The following MSI2 variants were observed in gnomAD, a reference collection of about 807,000 sequenced individuals.
MSI2 encodes musashi RNA binding protein 2.
A neutral mutation model predicts 45.6 loss-of-function variants in MSI2; 17 were observed. That is an observed-to-expected ratio of 0.37 (90% confidence interval 0.26 to 0.56). The LOEUF is 0.56. MSI2 is among the 20% of genes least tolerant of loss of function. The pLI, the probability that MSI2 is intolerant of heterozygous loss-of-function variation, is 0.77. For synonymous variants in MSI2, 156 were observed against 158.2 expected (o/e 0.99, Z 0.11); for missense variants, 293 against 444.2 (o/e 0.66, Z 3.06).
At chr17:57,452,982 G>T (rs954869780) in intron 6 of MSI2, among the ~76,000 whole-genome samples, 5 of 149,796 alleles carry the variant, frequency 3.3e-5, no homozygotes, top group African/African-American at 1.2e-4. Context: ...CTGGCTGAGG[G>T]CTTGTTTCTG....
In MSI2 at chr17:57,658,436, T is replaced by G. The variant is rs547387382; in HGVS notation, c.790+6275T>G. Among the ~76,000 whole-genome samples the G allele has an allele frequency of 2.0e-5, 3 of 152,358 alleles. No homozygotes were observed. The East Asian group carries it at 5.8e-4, about 29-fold the overall frequency. On this transcript the variant is annotated intron_variant, in intron 11 of 13. Coordinates refer to ENST00000284073, the MANE Select transcript of MSI2 (RefSeq NM_138962.4). ...TGTTCATTTCTGGGAGAGCCAGGACTTTCACCATAAAGAGTCCAGCATTGG... is the reference window on the plus strand; with the variant it reads ...TGTTCATTTCTGGGAGAGCCAGGACGTTCACCATAAAGAGTCCAGCATTGG...
At chr17:57,550,005 T>C (rs1257237230) in intron 7 of MSI2, among the ~76,000 whole-genome samples, 1 of 152,170 alleles carries the variant, frequency 6.6e-6, no homozygotes, top group Non-Finnish European at 1.5e-5. Context: ...GAGCAGCATC[T>C]TCACAGGCTG....
the MSI2 span, among the ~76,000 whole-genome samples, chr17:57,691,196 CTCTCATCTATCTATCT>C: frequency 1.2e-4 from 15 of 129,976 alleles, no homozygotes; most frequent in Non-Finnish European, 1.8e-4. Flanking sequence ...CTCTCTCTCT[CTCTCATCTATCTATCT>C]ATCTATCTAT....
intron 5 of MSI2, among the ~76,000 whole-genome samples, chr17:57,296,678 A>G (rs1468783415): frequency 6.6e-6 from 1 of 152,238 alleles, no homozygotes; most frequent in Non-Finnish European, 1.5e-5. Flanking sequence ...ACATCAGTAA[A>G]AAAATTGATG....
chr17:57,447,963 C>T (rs778788837), intron 6 of MSI2, among the ~76,000 whole-genome samples: 2 of 152,180 alleles, frequency 1.3e-5, no homozygotes, highest in Admixed American at 6.5e-5. Flanking sequence ...ATATCACTGA[C>T]GTGTCTCTCC....
intron 7 of MSI2, among the ~76,000 whole-genome samples, chr17:57,545,232 A>G (rs2087137075): frequency 6.6e-6 from 1 of 152,022 alleles, no homozygotes; most frequent in Non-Finnish European, 1.5e-5. Context: ...TGCCTAGTGG[A>G]CCGTGGGGTG....
At chr17:57,391,863 T>A (rs372777742) in intron 5 of MSI2, among the ~76,000 whole-genome samples, 27 of 152,352 alleles carry the variant, frequency 1.8e-4, no homozygotes, top group Admixed American at 9.8e-4. Context: ...TCTTACTTAA[T>A]TTTGCTTAAT....
chr17:57,420,538 C>G (rs191686555), intron 6 of MSI2, among the ~76,000 whole-genome samples: 1 of 152,324 alleles, frequency 6.6e-6, no homozygotes, highest in Admixed American at 6.5e-5. Context: ...AGCAACCTGC[C>G]GAGGGAGTCG....
At chr17:57,511,340 C>T (rs888680106) in intron 6 of MSI2, among the ~76,000 whole-genome samples, 7 of 152,262 alleles carry the variant, frequency 4.6e-5, no homozygotes, top group East Asian at 1.9e-4. Flanking sequence ...GGTAGAGTGG[C>T]GACCCACCCG....
At chr17:57,639,987 G>A (rs1910129826) in intron 10 of MSI2, among the ~76,000 whole-genome samples, 1 of 152,196 alleles carries the variant, frequency 6.6e-6, no homozygotes, top group Admixed American at 6.5e-5. Context: ...TGAATGAGAG[G>A]TGGGCCCCTG....
At chr17:57,335,770 C>T (rs1214085656) in intron 5 of MSI2, among the ~76,000 whole-genome samples, 2 of 152,074 alleles carry the variant, frequency 1.3e-5, no homozygotes, top group Non-Finnish European at 2.9e-5. Flanking sequence ...CAGACAAGGC[C>T]CTTGTGAGTG....
intron 7 of MSI2, among the ~76,000 whole-genome samples, chr17:57,574,739 G>A (rs1459982168): frequency 6.6e-6 from 1 of 152,138 alleles, no homozygotes; most frequent in East Asian, 1.9e-4. Flanking sequence ...CAACTACTGT[G>A]GAGCTTCGGT....
rs78991065 is a variant in MSI2 at position 57,359,225 on chromosome 17, G to C, written c.313-42154G>C. On this transcript the variant is annotated intron_variant, in intron 5 of 13. Coordinates refer to ENST00000284073, the MANE Select transcript of MSI2 (RefSeq NM_138962.4). ...CTGCTGAGAGCCAGCCCATCAAGCT[G>C]TCTGGGTCTCATGGTGGCATATCTT... 4.9e-4 allele frequency among the ~76,000 whole-genome samples: 75 copies of C among 152,154 alleles called. 1 individual carries two copies. The highest frequency in any genetic ancestry group is 6.8e-4 in the Non-Finnish European group (46 of 68,034).
intron 8 of MSI2, among the ~76,000 whole-genome samples, chr17:57,603,110 T>C (rs1015563081): frequency 6.6e-6 from 1 of 152,180 alleles, no homozygotes; most frequent in African/African-American, 2.4e-5. Flanking sequence ...CTGGTGCTCT[T>C]GGCACCACTC....
chr17:57,446,381 G>A (rs1051798715), intron 6 of MSI2, among the ~76,000 whole-genome samples: 1 of 152,180 alleles, frequency 6.6e-6, no homozygotes, highest in African/African-American at 2.4e-5. Context: ...GCTCTGCCAG[G>A]GGATGGTCGG....
In MSI2 at chr17:57,609,589, G is replaced by A. The variant is rs137995695; in HGVS notation, c.538-6381G>A. Among the ~76,000 whole-genome samples the A allele has an allele frequency of 2.6e-3, 392 of 152,362 alleles. 2 individuals are homozygous for A. The highest frequency in any genetic ancestry group is 3.6e-3 in the Non-Finnish European group (244 of 68,034). ...GGATTTCCCTCTGGGCCCCAAGGCC[G>A]CGTGCTGACTGGGTTCTTTTGTACA... On this transcript the variant is annotated intron_variant, in intron 8 of 13. Coordinates refer to ENST00000284073, the MANE Select transcript of MSI2 (RefSeq NM_138962.4).
chr17:57,654,424 C>T (rs540614740), intron 11 of MSI2, among the ~76,000 whole-genome samples: 7 of 152,364 alleles, frequency 4.6e-5, no homozygotes, highest in Non-Finnish European at 1.0e-4. Flanking sequence ...ACTGTCACCT[C>T]ACTCCTTCTA....
At chr17:57,371,636 G>A (rs201615560) in intron 5 of MSI2, among the ~76,000 whole-genome samples, 4 of 151,466 alleles carry the variant, frequency 2.6e-5, no homozygotes, top group Non-Finnish European at 5.9e-5. Context: ...TTTATGTTGT[G>A]GTTTTTATTG....
At chr17:57,392,906 C>T (rs1448365933) in intron 5 of MSI2, among the ~76,000 whole-genome samples, 4 of 152,100 alleles carry the variant, frequency 2.6e-5, no homozygotes, top group South Asian at 4.2e-4. Flanking sequence ...AATTCAAATA[C>T]CATATAATTC....
Sources: gnomAD v4.1 joint callset for allele counts (sites outside exome capture counted in the v4.1 genomes callset) on GRCh38, gnomAD v4.1.1 for gene constraint, MANE v1.5 for transcripts, NCBI Gene and HGNC (gene_info 2026-07-23, HGNC 2026-07-21) for gene names.